GRSF1: variants seen among roughly 807,000 people sequenced by gnomAD.
GRSF1 encodes the protein G-rich RNA sequence binding factor 1.
A neutral mutation model predicts 51.1 loss-of-function variants in GRSF1; 50 were observed. That is an observed-to-expected ratio of 0.98 (90% CI 0.78 to 1.24). GRSF1 has a LOEUF of 1.24. GRSF1 is among the 50% of genes most tolerant of loss of function. The pLI, the probability that GRSF1 is intolerant of heterozygous loss-of-function variation, is 0.00. For missense variants in GRSF1, 700 were observed against 639.7 expected (o/e 1.09, Z -1.02); for synonymous variants, 293 against 253.3 (o/e 1.16, Z -1.49).
upstream of GRSF1, among the ~76,000 whole-genome samples, chr4:70,841,875 C>T (rs1397896457): frequency 6.6e-6 from 1 of 152,136 alleles, no homozygotes; most frequent in Non-Finnish European, 1.5e-5. Context: ...CATTTTTATA[C>T]AAAAACAGGG....
chr4:70,833,348 C>A (rs2148844520), intron 2 of GRSF1, 75 bp from the exon 3 acceptor site: 2 of 1,296,996 alleles, frequency 1.5e-6, no homozygotes, highest in East Asian at 4.8e-5. Flanking sequence ...CACAAGAATG[C>A]AGTTTTCCAA....
chr4:70,819,955 AC>A lies in GRSF1; in HGVS notation c.*931del, dbSNP rs1277094530. 1 of 152,650 alleles carries A rather than the reference AC, an allele frequency of 6.6e-6. No homozygotes were observed. The highest frequency in any genetic ancestry group is 1.5e-5 in the Non-Finnish European group (1 of 68,044). The allele number at this position is 152,650 out of a possible 1,614,324, so 9.5% of individuals were successfully genotyped here. On this transcript the variant is annotated 3_prime_UTR_variant, in exon 10 of 10. Transcript: ENST00000254799. ...AATGCTATTTTTATTTAAGCAAGGCACCCCTACTTGTTCTAAAATATGGGAT... is the reference window on the plus strand; with the variant it reads ...AATGCTATTTTTATTTAAGCAAGGCACCCTACTTGTTCTAAAATATGGGAT...
Position 70,833,282 on chromosome 4 carries a change from G to T in GRSF1, c.515-9C>A, listed in dbSNP as rs762022838. ...GTTGCGGATTCTGCAGTCTAAAAGT[G>T]TATGAGCAAAATCAATTGAAAACAG... is the stretch of plus-strand genomic sequence containing the variant. On this transcript the variant is annotated splice_polypyrimidine_tract_variant and intron_variant, in intron 2 of 9. Transcript: ENST00000254799. 9.3e-6 allele frequency: 15 copies of T among 1,610,078 alleles called. No individual in the cohort carries two copies. The highest frequency in any genetic ancestry group is 1.2e-5 in the Non-Finnish European group (14 of 1,177,992).
chr4:70,839,568 G>T lies in GRSF1; in HGVS notation c.260C>A (p.Ala87Glu). ...AGPPAVATSA[A>E]AAAAASYSAL... The stretch of plus-strand genomic sequence containing the variant: ...AGAGTAGGACGCGGCGGCCGCGGCC[G>T]CGGCAGAGGTGGCCACAGCGGGAGG... The change falls in exon 1 of 10, where the codon GCG (alanine) becomes GAG (glutamate). Residue 87 changes from alanine to glutamate, a missense_variant. Transcript: ENST00000254799. The T allele has an allele frequency of 7.1e-7, 1 of 1,418,396 alleles. No homozygotes were observed. Among genetic ancestry groups the T allele is most frequent in the Non-Finnish European group, 9.2e-7 (1 of 1,088,516 alleles). The allele number at this position is 1,418,396 out of a possible 1,614,324, so 87.9% of individuals were successfully genotyped here. A position where few individuals can be genotyped will look rare whatever the true frequency, so the allele number is the denominator to read the frequency against.
At chr4:70,840,719 T>G (rs1483109307), upstream of GRSF1, among the ~76,000 whole-genome samples, 1 of 152,118 alleles carries the variant, frequency 6.6e-6, no homozygotes, top group Non-Finnish European at 1.5e-5. Context: ...GCCAAGATCG[T>G]GCCACCGCAC....
rs569973759 is a variant in GRSF1 at position 70,822,062 on chromosome 4, ATACT to A, written c.*26-1205_*26-1202del. On this transcript the variant is annotated intron_variant, in intron 9 of 9. Coordinates refer to ENST00000254799, the MANE Select transcript of GRSF1 (RefSeq NM_002092.4). ...GAAAAGTGACTGCAATACAACAGTA[ATACT>A]TACAATACCTTATGGGAAAAAAAAA... Among the ~76,000 whole-genome samples, 316 of 152,206 alleles carry A rather than the reference ATACT, an allele frequency of 2.1e-3. 1 individual carries two copies. Among genetic ancestry groups the A allele is most frequent in the African/African-American group, 7.4e-3 (306 of 41,542 alleles).
rs569741223 is a variant in GRSF1 at position 70,839,819 on chromosome 4, G to A, written c.9C>T (p.Gly3=). The change falls in exon 1 of 10, where the codon GGC becomes GGT. Residue 3 remains glycine (G), a synonymous_variant. Transcript: ENST00000254799. MA[G]TRWVLGALLR... ...GCAGCGCCCCGAGTACCCAGCGCGT[G>A]CCGGCCATGGACTCCGGAGGCGGCG... 62 of 1,498,108 alleles carry A rather than the reference G, an allele frequency of 4.1e-5. No individual in the cohort carries two copies. The highest frequency in any genetic ancestry group is 4.7e-4 in the Middle Eastern group (2 of 4,256). The allele number at this position is 1,498,108 out of a possible 1,614,324, so 92.8% of individuals were successfully genotyped here.
At chr4:70,840,974 T>A (rs1283650314), upstream of GRSF1, among the ~76,000 whole-genome samples, 1 of 152,132 alleles carries the variant, frequency 6.6e-6, no homozygotes, top group Non-Finnish European at 1.5e-5. Context: ...ATTTGAGGTA[T>A]GTGAGGAAGG....
At position 70,839,829 on chromosome 4, in the gene GRSF1, G is replaced by C; in HGVS notation, c.-2C>G. On this transcript the variant is annotated 5_prime_UTR_variant, in exon 1 of 10. Coordinates refer to ENST00000254799, the MANE Select transcript of GRSF1 (RefSeq NM_002092.4). ...GAGTACCCAGCGCGTGCCGGCCATG[G>C]ACTCCGGAGGCGGCGCAGGGCCTGA... 1 of 1,493,012 alleles carries C rather than the reference G, an allele frequency of 6.7e-7. No individual in the cohort carries two copies. 92.5% of individuals were successfully genotyped at this position (1,493,012 alleles called of 1,614,324 possible).
chr4:70,840,455 G>A (rs750157746), upstream of GRSF1, among the ~76,000 whole-genome samples: 5 of 152,112 alleles, frequency 3.3e-5, no homozygotes, highest in African/African-American at 7.2e-5. Flanking sequence ...GTGAAATCCC[G>A]TCTCTACTAA....
intron 3 of GRSF1, 59 bp from the exon 4 acceptor site, chr4:70,832,509 TA>T (rs1045891473): frequency 4.8e-5 from 49 of 1,024,636 alleles, no homozygotes; most frequent in African/African-American, 1.4e-4. Flanking sequence ...ACAAACCCAT[TA>T]AAAAAAATCA....
chr4:70,825,564 A>G (rs1422092992), intron 7 of GRSF1, 133 bp from the exon 8 acceptor site: 3 of 590,282 alleles, frequency 5.1e-6, no homozygotes, highest in Non-Finnish European at 8.5e-6. Context: ...AATCTTTTTA[A>G]GCAGTAATAT....
At position 70,839,839 on chromosome 4, in the gene GRSF1, G is replaced by A. The variant is rs1320030745; in HGVS notation, c.-12C>T. 16 of 1,483,746 alleles carry A rather than the reference G, an allele frequency of 1.1e-5. No homozygotes were observed. Among genetic ancestry groups the A allele is most frequent in the Admixed American group, 2.3e-5 (1 of 43,604 alleles). 91.9% of individuals were successfully genotyped at this position (1,483,746 alleles called of 1,614,324 possible). ...CGCGTGCCGGCCATGGACTCCGGAG[G>A]CGGCGCAGGGCCTGAAGGCAGCTGC... On this transcript the variant is annotated 5_prime_UTR_variant, in exon 1 of 10. Transcript: ENST00000254799.
intron 8 of GRSF1, among the ~76,000 whole-genome samples, chr4:70,824,761 C>A (rs1231499457): frequency 6.6e-6 from 1 of 152,120 alleles, no homozygotes; most frequent in Non-Finnish European, 1.5e-5. Context: ...ACAGACTGGG[C>A]GACAGACAAG....
intron 5 of GRSF1, among the ~76,000 whole-genome samples, chr4:70,830,203 G>A (rs1295414204): frequency 2.0e-5 from 3 of 152,060 alleles, no homozygotes; most frequent in South Asian, 2.1e-4. Context: ...CAAAGCGGGC[G>A]ATCACTTGAG....
At chr4:70,839,012 C>G in intron 1 of GRSF1, 1 of 592,450 alleles carries the variant, frequency 1.7e-6, no homozygotes, top group African/African-American at 2.0e-5. Context: ...GCGCACCTTC[C>G]CAGCAGCGGC....
At chr4:70,825,575 ATTT>A (rs1225853642) in intron 7 of GRSF1, 144 bp from the exon 8 acceptor site, 15 of 532,832 alleles carry the variant, frequency 2.8e-5, no homozygotes, top group Non-Finnish European at 3.2e-6. Context: ...GCAGTAATAT[ATTT>A]ATATATCTAG....
chr4:70,839,570 G>C lies in GRSF1; in HGVS notation c.258C>G (p.Ala86=). The C allele has an allele frequency of 7.0e-7, 1 of 1,421,662 alleles. No homozygotes were observed. The highest frequency in any genetic ancestry group is 9.2e-7 in the Non-Finnish European group (1 of 1,090,224). The allele number at this position is 1,421,662 out of a possible 1,614,324, so 88.1% of individuals were successfully genotyped here. Reference sequence around the variant, plus strand: ...AGTAGGACGCGGCGGCCGCGGCCGCGGCAGAGGTGGCCACAGCGGGAGGCC... The same window carrying C: ...AGTAGGACGCGGCGGCCGCGGCCGCCGCAGAGGTGGCCACAGCGGGAGGCC... The part of the protein sequence containing the change: ...LAGPPAVATS[A]AAAAAASYSA... The change falls in exon 1 of 10, where the codon GCC becomes GCG. Residue 86 remains alanine (A), a synonymous_variant. Coordinates refer to ENST00000254799, the MANE Select transcript of GRSF1 (RefSeq NM_002092.4).
intron 9 of GRSF1, among the ~76,000 whole-genome samples, chr4:70,822,466 C>T (rs1387768882): frequency 2.0e-5 from 3 of 151,788 alleles, no homozygotes; most frequent in Non-Finnish European, 4.4e-5. Flanking sequence ...GCCTGTAATC[C>T]TAGCTACTTG....
Sources: gnomAD v4.1 joint callset for allele counts (sites outside exome capture counted in the v4.1 genomes callset) on GRCh38, gnomAD v4.1.1 for gene constraint, MANE v1.5 for transcripts, NCBI Gene and HGNC (gene_info 2026-07-23, HGNC 2026-07-21) for gene names.